Variants in EIF4G3 observed in about 807,000 individuals in gnomAD.
EIF4G3 encodes eukaryotic translation initiation factor 4 gamma 3, also known as eIF-4-gamma 3.
Under a neutral mutation model 186.4 loss-of-function variants are expected in EIF4G3, and 34 were observed. The ratio of observed to expected loss-of-function variants is 0.18; its 90% CI spans 0.14 to 0.24. The LOEUF is 0.24. Among genes scored for constraint, EIF4G3 ranks in the 10% least tolerant of loss-of-function variants. The probability of loss-of-function intolerance (pLI) is 1.00; values close to 1 mark genes in which losing one functional copy is unlikely to be tolerated. For synonymous variants in EIF4G3, 673 were observed against 679.5 expected (o/e 0.99, Z 0.15); for missense variants, 1,536 against 1,948.5 (o/e 0.79, Z 3.99).
chr1:21,176,454 G>A (rs1268074636), intron 1 of EIF4G3, 96 bp from the exon 2 acceptor site: 1 of 193,416 alleles, frequency 5.2e-6, no homozygotes, highest in Non-Finnish European at 1.0e-5. Flanking sequence ...GCAGGGGCCG[G>A]GGGCAGCGGG....
chr1:20,975,964 T>C (rs1397492161), intron 10 of EIF4G3, among the ~76,000 whole-genome samples: 1 of 151,924 alleles, frequency 6.6e-6, no homozygotes, highest in Non-Finnish European at 1.5e-5. Flanking sequence ...CCATACAGCC[T>C]GCAAAACCTG....
intron 36 of EIF4G3, among the ~76,000 whole-genome samples, chr1:20,807,820 T>C (rs944118524): frequency 2.6e-4 from 33 of 128,722 alleles, no homozygotes; most frequent in Middle Eastern, 5.7e-3. Flanking sequence ...TGGAGTGCAG[T>C]GGTGCGATCT....
intron 4 of EIF4G3, among the ~76,000 whole-genome samples, chr1:21,047,013 G>A (rs114153838): frequency 8.9e-4 from 135 of 152,216 alleles, no homozygotes; most frequent in African/African-American, 3.0e-3. Context: ...TCATAACAAC[G>A]CTCTTACAGG....
chr1:20,952,280 G>A (rs2096254176), intron 12 of EIF4G3, among the ~76,000 whole-genome samples: 1 of 150,470 alleles, frequency 6.6e-6, no homozygotes, highest in Admixed American at 6.7e-5. Context: ...TCAGCCTCCT[G>A]AGTAGCTGGG....
rs186161517 is a variant in EIF4G3, at chr1:21,023,448, C to G, written c.-66-20640G>C. Among the ~76,000 whole-genome samples the G allele has an allele frequency of 6.8e-3, 1,038 of 152,024 alleles. 13 individuals carry two copies. Among genetic ancestry groups the G allele is most frequent in the African/African-American group, 0.023 (956 of 41,472 alleles). On this transcript the variant is annotated intron_variant, in intron 4 of 36. Transcript: ENST00000602326. ...CATGCCTGACTGGTTTTGGTGGAGA[C>G]AGGGTTTCGCTGTGTTGGCCGGGCC...
At chr1:21,027,587 C>A (rs1347669092) in intron 4 of EIF4G3, among the ~76,000 whole-genome samples, 1 of 151,692 alleles carries the variant, frequency 6.6e-6, no homozygotes, top group African/African-American at 2.4e-5. Context: ...CCGAGATCGC[C>A]CCACTGCACT....
intron 3 of EIF4G3, among the ~76,000 whole-genome samples, chr1:21,057,209 C>CA (rs2094599901): frequency 6.6e-6 from 1 of 151,984 alleles, no homozygotes; most frequent in Non-Finnish European, 1.5e-5. Context: ...GGTACATGAA[C>CA]AAAAATGTTC....
intron 4 of EIF4G3, among the ~76,000 whole-genome samples, chr1:21,045,673 T>C (rs747628122): frequency 6.6e-6 from 1 of 152,188 alleles, no homozygotes; most frequent in Non-Finnish European, 1.5e-5. Context: ...TGTTTTGTAA[T>C]TGCTACTTCG....
At chr1:21,028,688 C>T (rs1198027224) in intron 4 of EIF4G3, among the ~76,000 whole-genome samples, 1 of 152,196 alleles carries the variant, frequency 6.6e-6, no homozygotes, top group Non-Finnish European at 1.5e-5. Context: ...CAAGGTGAAG[C>T]AGAGCTACTC....
chr1:20,960,191 G>A (rs968346764), intron 12 of EIF4G3, among the ~76,000 whole-genome samples: 9 of 152,220 alleles, frequency 5.9e-5, no homozygotes, highest in South Asian at 2.1e-4. Context: ...TTCTGCCTGG[G>A]CACGGTGGCT....
intron 4 of EIF4G3, among the ~76,000 whole-genome samples, chr1:21,025,177 G>A (rs1248700331): frequency 6.6e-6 from 1 of 152,184 alleles, no homozygotes; most frequent in East Asian, 1.9e-4. Context: ...GAGAATAGAA[G>A]TGCATGAGGT....
intron 2 of EIF4G3, among the ~76,000 whole-genome samples, chr1:21,162,279 C>T (rs1033545125): frequency 1.3e-5 from 2 of 151,738 alleles, no homozygotes; most frequent in Non-Finnish European, 2.9e-5. Flanking sequence ...GGAGAAACCC[C>T]GTCTCTACTA....
chr1:20,948,351 G>A (rs1189540858), intron 13 of EIF4G3, among the ~76,000 whole-genome samples: 3 of 152,200 alleles, frequency 2.0e-5, no homozygotes, highest in African/African-American at 7.2e-5. Flanking sequence ...CTTGAAGCAT[G>A]CAGGAGTTCT....
chr1:21,168,692 C>T (rs2097903231), intron 2 of EIF4G3, among the ~76,000 whole-genome samples: 1 of 152,068 alleles, frequency 6.6e-6, no homozygotes, highest in African/African-American at 2.4e-5. Flanking sequence ...TCCCAAAGTA[C>T]TGGGATTACA....
chr1:20,817,684 T>C, intron 33 of EIF4G3, 146 bp from the exon 34 acceptor site: 1 of 113,258 alleles, frequency 8.8e-6, no homozygotes, highest in South Asian at 3.7e-4. Context: ...GTTTGTAGTT[T>C]TTTTTTTTTT....
At position 20,909,988 on chromosome 1, in the gene EIF4G3, G is replaced by A. The variant is rs192288075; in HGVS notation, c.1664-5017C>T. ...TGTAGAAATGGTCTCTTACCATGTT[G>A]TCCAGGCTAGTCTGAAACTCCTGGG... is the stretch of plus-strand genomic sequence containing the variant. On this transcript the variant is annotated intron_variant, in intron 14 of 36. Transcript: ENST00000602326. 1.1e-3 allele frequency among the ~76,000 whole-genome samples: 161 copies of A among 151,970 alleles called. 1 individual carries two copies. The East Asian group carries it at 0.022, about 21-fold the overall frequency.
chr1:21,076,535 TA>T (rs1198122009), intron 3 of EIF4G3, among the ~76,000 whole-genome samples: 5 of 151,984 alleles, frequency 3.3e-5, no homozygotes, highest in African/African-American at 1.2e-4. Context: ...TGATACTACC[TA>T]ACTTCAAAAT....
chr1:20,931,045 C>T (rs917310942), intron 14 of EIF4G3, among the ~76,000 whole-genome samples: 4 of 151,332 alleles, frequency 2.6e-5, no homozygotes, highest in Non-Finnish European at 5.9e-5. Context: ...ATTATTTTGG[C>T]TATTTGGTGG....
At chr1:20,964,780 A>G (rs2154564974) in intron 12 of EIF4G3, among the ~76,000 whole-genome samples, 1 of 152,336 alleles carries the variant, frequency 6.6e-6, no homozygotes, top group African/African-American at 2.4e-5. Flanking sequence ...AAAACACAAC[A>G]TATCCCATAG....
Sources: gnomAD v4.1 joint callset for allele counts (sites outside exome capture counted in the v4.1 genomes callset) on GRCh38, gnomAD v4.1.1 for gene constraint, MANE v1.5 for transcripts, NCBI Gene and HGNC (gene_info 2026-07-23, HGNC 2026-07-21) for gene names.